Variants in CSMD3 observed in about 807,000 individuals in gnomAD.
CSMD3 encodes CUB and sushi domain-containing protein 3.
In CSMD3, 177 loss-of-function variants were observed where a neutral mutation model predicts 435.2. That is an observed-to-expected ratio of 0.41 (90% CI 0.36 to 0.46). The LOEUF is 0.46. Among genes scored for constraint, CSMD3 ranks in the 20% least tolerant of loss-of-function variants. CSMD3 has a pLI of 0.34. For missense variants in CSMD3, 4,265 were observed against 4,504.6 expected (o/e 0.95, Z 1.52); for synonymous variants, 1,656 against 1,520.5 (o/e 1.09, Z -2.07).
chr8:112,247,076 G>A lies in CSMD3; in HGVS notation c.10166C>T (p.Thr3389Ile), dbSNP rs2130156502. The A allele has an allele frequency of 6.2e-7, 1 of 1,613,830 alleles. No homozygotes were observed. The highest frequency in any genetic ancestry group is 8.5e-7 in the Non-Finnish European group (1 of 1,179,880). ...CKKGHLLQGS[T>I]TRTCLPDLTW... ...AAGATCAGGGAGGCAGGTGCGTGTT[G>A]TAGACCCTTGGAGAAGGTGTCCTTT... Residue 3389 changes from threonine (T) to isoleucine (I), a missense_variant, in exon 64 of 71, where the codon ACA (threonine) becomes ATA (isoleucine). Transcript: ENST00000297405.
chr8:112,525,272 A>G (rs573021881), intron 27 of CSMD3, among the ~76,000 whole-genome samples: 132 of 150,974 alleles, frequency 8.7e-4, no homozygotes, highest in African/African-American at 3.1e-3. Flanking sequence ...AGTTTTCTTA[A>G]ATTATGTTTT....
chr8:112,229,889 TAA>T (rs60494083), intron 69 of CSMD3, among the ~76,000 whole-genome samples: 39,438 of 141,410 alleles, frequency 0.28, 5,393 homozygotes, highest in Middle Eastern at 0.37. Flanking sequence ...CAGCCGAGAT[TAA>T]AAAAAAAAAA....
chr8:112,647,150 C>T (rs1278048773), intron 19 of CSMD3, among the ~76,000 whole-genome samples: 2 of 151,938 alleles, frequency 1.3e-5, no homozygotes, highest in African/African-American at 4.8e-5. Flanking sequence ...ATGTTTTTTC[C>T]ACATTAAGAG....
chr8:112,965,713 T>G (rs935664641), intron 7 of CSMD3, among the ~76,000 whole-genome samples: 2 of 151,950 alleles, frequency 1.3e-5, no homozygotes, highest in African/African-American at 4.8e-5. Context: ...CTAATACATT[T>G]TAAATGTGCA....
intron 32 of CSMD3, among the ~76,000 whole-genome samples, chr8:112,425,904 T>C (rs1163059012): frequency 2.0e-5 from 3 of 152,074 alleles, no homozygotes; most frequent in Non-Finnish European, 4.4e-5. Flanking sequence ...CATAAGTGTA[T>C]TTTTTTAATG....
At chr8:112,908,926 T>C (rs904293638) in intron 10 of CSMD3, among the ~76,000 whole-genome samples, 3 of 151,564 alleles carry the variant, frequency 2.0e-5, no homozygotes, top group African/African-American at 7.3e-5. Flanking sequence ...ACAAAGTAAA[T>C]ACAAATAATG....
intron 5 of CSMD3, among the ~76,000 whole-genome samples, chr8:113,051,882 T>G (rs1453911282): frequency 2.0e-5 from 3 of 152,132 alleles, no homozygotes; most frequent in Non-Finnish European, 2.9e-5. Context: ...GACAAGATGA[T>G]ATGTCAATAA....
At chr8:112,410,981 T>C (rs1399935915) in intron 32 of CSMD3, among the ~76,000 whole-genome samples, 1 of 144,706 alleles carries the variant, frequency 6.9e-6, no homozygotes, top group Non-Finnish European at 1.5e-5. Flanking sequence ...AAAAGTACAA[T>C]ACCGCATCCT....
At chr8:112,398,162 T>A (rs1299053930) in intron 35 of CSMD3, among the ~76,000 whole-genome samples, 2 of 152,072 alleles carry the variant, frequency 1.3e-5, no homozygotes, top group Non-Finnish European at 2.9e-5. Flanking sequence ...TCAAGAAGAA[T>A]CTCTTTGATT....
chr8:113,081,119 T>A (rs2089545861), intron 5 of CSMD3, among the ~76,000 whole-genome samples: 2 of 152,202 alleles, frequency 1.3e-5, no homozygotes, highest in Admixed American at 1.3e-4. Context: ...TGTGAAAATG[T>A]AAGAAATTAC....
chr8:113,129,003 C>T lies in CSMD3; in HGVS notation c.710-30040G>A, dbSNP rs78946061. The stretch of plus-strand genomic sequence containing the variant: ...AAAGAAATTTGAGAAAGTTAGTGAT[C>T]TGTTACTAGACTCTCTTCCATTTGG... On this transcript the variant is annotated intron_variant, in intron 4 of 70. Coordinates refer to ENST00000297405, the MANE Select transcript of CSMD3 (RefSeq NM_198123.2). Among the ~76,000 whole-genome samples the T allele has an allele frequency of 9.2e-3, 1,406 of 152,184 alleles. 14 individuals carry two copies. Among genetic ancestry groups the T allele is most frequent in the African/African-American group, 0.033 (1,353 of 41,562 alleles).
intron 8 of CSMD3, among the ~76,000 whole-genome samples, chr8:112,953,977 T>C (rs1198251828): frequency 2.0e-5 from 3 of 151,104 alleles, no homozygotes; most frequent in Non-Finnish European, 4.4e-5. Flanking sequence ...AACAGTATTG[T>C]TGACAATTTC....
chr8:112,888,518 C>T (rs887828045), intron 10 of CSMD3, among the ~76,000 whole-genome samples: 1 of 151,484 alleles, frequency 6.6e-6, no homozygotes, highest in Non-Finnish European at 1.5e-5. Flanking sequence ...GAAACAAGCC[C>T]GGAATGTAGG....
intron 10 of CSMD3, among the ~76,000 whole-genome samples, chr8:112,861,968 G>T (rs1415392980): frequency 6.6e-6 from 1 of 151,904 alleles, no homozygotes; most frequent in Non-Finnish European, 1.5e-5. Flanking sequence ...AGGTACGTTT[G>T]CTAAAGAAAC....
chr8:112,278,642 C>T (rs1036844262), intron 59 of CSMD3, among the ~76,000 whole-genome samples: 1 of 152,096 alleles, frequency 6.6e-6, no homozygotes, highest in Non-Finnish European at 1.5e-5. Context: ...AATAAGTATG[C>T]TTATCCAATG....
rs1045887290 is a variant in CSMD3 at position 113,090,566 on chromosome 8, A to G, written c.917+8190T>C. Among the ~76,000 whole-genome samples the G allele has an allele frequency of 2.6e-5, 4 of 152,230 alleles. No homozygotes were observed. The East Asian group carries it at 5.8e-4, about 22-fold the overall frequency. On this transcript the variant is annotated intron_variant, in intron 5 of 70. Coordinates refer to ENST00000297405, the MANE Select transcript of CSMD3 (RefSeq NM_198123.2). ...ACAGACTTATGAATAAAATTTATGGATAAAATTAATGTGCTTAGAAGAGGC... is the reference window on the plus strand; with the variant it reads ...ACAGACTTATGAATAAAATTTATGGGTAAAATTAATGTGCTTAGAAGAGGC...
intron 3 of CSMD3, among the ~76,000 whole-genome samples, chr8:113,277,455 G>T (rs2093580359): frequency 6.6e-6 from 1 of 151,966 alleles, no homozygotes; most frequent in African/African-American, 2.4e-5. Context: ...TTATTAGCCA[G>T]AGGATTTTTT....
chr8:112,440,822 G>A (rs1475566686), intron 32 of CSMD3, among the ~76,000 whole-genome samples: 3 of 152,176 alleles, frequency 2.0e-5, no homozygotes, highest in African/African-American at 7.2e-5. Flanking sequence ...TGGGATGCAG[G>A]TCATGATGCC....
At chr8:112,651,864 A>G (rs2075135486) in intron 18 of CSMD3, among the ~76,000 whole-genome samples, 3 of 152,020 alleles carry the variant, frequency 2.0e-5, no homozygotes, top group African/African-American at 7.2e-5. Flanking sequence ...ACTCTCATTC[A>G]TCTTTGATTC....
Sources: gnomAD v4.1 joint callset for allele counts (sites outside exome capture counted in the v4.1 genomes callset) on GRCh38, gnomAD v4.1.1 for gene constraint, MANE v1.5 for transcripts, NCBI Gene and HGNC (gene_info 2026-07-23, HGNC 2026-07-21) for gene names.